Variants in MACROH2A1 observed in about 807,000 individuals in gnomAD.
MACROH2A1 encodes the protein macroH2A.1 histone.
A neutral mutation model predicts 31.6 loss-of-function variants in MACROH2A1; 2 were observed. That is an observed-to-expected ratio of 0.06 (90% confidence interval 0.03 to 0.20). The LOEUF is 0.20. Ranked by LOEUF, MACROH2A1 falls within the 10% of genes least tolerant of loss-of-function variation. MACROH2A1 has a pLI of 1.00. For missense variants in MACROH2A1, 230 were observed against 474.0 expected (o/e 0.49, Z 4.78); for synonymous variants, 169 against 189.6 (o/e 0.89, Z 0.89).
chr5:135,358,795 A>G, intron 5 of MACROH2A1: 1 of 984,410 alleles, frequency 1.0e-6, no homozygotes, highest in Non-Finnish European at 1.2e-6. Flanking sequence ...AGTCATTATT[A>G]GCCAAAATTT....
rs114821702 is a variant in MACROH2A1, at chr5:135,359,209, T to A, written c.588+1288A>T. The stretch of plus-strand genomic sequence containing the variant: ...AGGGTGGGAGTGCCTAAGGGCAGAG[T>A]GGGGAAAAGAGGGAGAAGGTGACCC... On this transcript the variant is annotated intron_variant, in intron 5 of 8. Coordinates refer to ENST00000511689, the MANE Select transcript of MACROH2A1 (RefSeq NM_138610.3). 652 of 984,476 alleles carry A rather than the reference T, an allele frequency of 6.6e-4. 3 individuals carry two copies. The African/African-American group carries it at 9.4e-3, about 14-fold the overall frequency. The allele number at this position is 984,476 out of a possible 1,614,324, so 61.0% of individuals were successfully genotyped here.
intron 8 of MACROH2A1, among the ~76,000 whole-genome samples, chr5:135,340,615 C>A (rs1256834368): frequency 2.0e-5 from 3 of 152,224 alleles, no homozygotes; most frequent in African/African-American, 7.2e-5. Context: ...GGTCATCTTC[C>A]ATCCATGTAG....
intron 5 of MACROH2A1, 101 bp downstream of exon 5, chr5:135,360,396 G>T: frequency 1.3e-6 from 1 of 785,834 alleles, no homozygotes; most frequent in East Asian, 2.5e-5. Context: ...CCACGAGGCT[G>T]GGAGTGGCCC....
intron 7 of MACROH2A1, chr5:135,345,680 T>A: frequency 2.8e-6 from 1 of 360,672 alleles, no homozygotes; most frequent in South Asian, 4.3e-5. Flanking sequence ...CACTCTCAGC[T>A]CTTAGATGTA....
intron 1 of MACROH2A1, among the ~76,000 whole-genome samples, chr5:135,396,653 G>A (rs779525877): frequency 2.6e-5 from 4 of 151,992 alleles, no homozygotes; most frequent in Middle Eastern, 3.2e-3. Flanking sequence ...CTAGGTTACT[G>A]TACCTGCTGG....
At chr5:135,342,485 G>A (rs529315990) in intron 8 of MACROH2A1, among the ~76,000 whole-genome samples, 51 of 152,334 alleles carry the variant, frequency 3.3e-4, no homozygotes, top group African/African-American at 1.1e-3. Context: ...TGTACAACCA[G>A]GTAGGTATTG....
chr5:135,340,169 C>T (rs1168979372), intron 8 of MACROH2A1, among the ~76,000 whole-genome samples: 7 of 152,080 alleles, frequency 4.6e-5, no homozygotes, highest in South Asian at 2.1e-4. Context: ...AGCTCTGAAG[C>T]GAAGGGCTTC....
rs1254795050 is a variant in MACROH2A1, at chr5:135,359,208, G to C, written c.588+1289C>G. ...CAGGGTGGGAGTGCCTAAGGGCAGAGTGGGGAAAAGAGGGAGAAGGTGACC... is the reference window on the plus strand; with the variant it reads ...CAGGGTGGGAGTGCCTAAGGGCAGACTGGGGAAAAGAGGGAGAAGGTGACC... On this transcript the variant is annotated intron_variant, in intron 5 of 8. Coordinates refer to ENST00000511689, the MANE Select transcript of MACROH2A1 (RefSeq NM_138610.3). 5 of 985,348 alleles carry C rather than the reference G, an allele frequency of 5.1e-6. No individual in the cohort carries two copies. The African/African-American group carries it at 8.7e-5, about 17-fold the overall frequency. 61.0% of individuals were successfully genotyped at this position (985,348 alleles called of 1,614,324 possible). A position where few individuals can be genotyped will look rare whatever the true frequency, so the allele number is the denominator to read the frequency against.
At chr5:135,384,543 G>T (rs1029052810) in intron 2 of MACROH2A1, among the ~76,000 whole-genome samples, 6 of 152,172 alleles carry the variant, frequency 3.9e-5, no homozygotes, top group Non-Finnish European at 7.3e-5. Flanking sequence ...ACAAGGATTG[G>T]CCAAGTACCA....
chr5:135,340,522 T>C (rs1257859322), intron 8 of MACROH2A1, among the ~76,000 whole-genome samples: 1 of 152,124 alleles, frequency 6.6e-6, no homozygotes, highest in Non-Finnish European at 1.5e-5. Flanking sequence ...TCCATAAATA[T>C]CGTGACCAGA....
intron 8 of MACROH2A1, chr5:135,337,969 G>A: frequency 8.2e-7 from 1 of 1,215,630 alleles, no homozygotes; most frequent in South Asian, 1.5e-5. Context: ...CTATGGGACT[G>A]TGGCTGCTCT....
At chr5:135,343,074 T>G (rs1031221893) in intron 8 of MACROH2A1, 186 bp downstream of exon 8, 2 of 1,391,104 alleles carry the variant, frequency 1.4e-6, no homozygotes, top group Non-Finnish European at 1.9e-6. Flanking sequence ...TCCTTGGGAT[T>G]TGGGTCTCTC....
At chr5:135,363,916 G>C (rs983671453) in intron 4 of MACROH2A1, among the ~76,000 whole-genome samples, 3 of 152,208 alleles carry the variant, frequency 2.0e-5, no homozygotes, top group African/African-American at 7.2e-5. Flanking sequence ...GCATTTCTCT[G>C]ATGACCAGTG....
At chr5:135,389,207 A>C in intron 1 of MACROH2A1, 81 bp from the exon 2 acceptor site, 1 of 1,107,718 alleles carries the variant, frequency 9.0e-7, no homozygotes, top group Non-Finnish European at 1.3e-6. Flanking sequence ...AGTCCCCTGG[A>C]AGGCCCCAGG....
intron 6 of MACROH2A1, among the ~76,000 whole-genome samples, chr5:135,348,820 C>T (rs1217197157): frequency 2.0e-5 from 3 of 152,198 alleles, no homozygotes; most frequent in African/African-American, 7.2e-5. Flanking sequence ...GCAGGTGTTA[C>T]AGTGTCGGTG....
intron 1 of MACROH2A1, among the ~76,000 whole-genome samples, chr5:135,392,445 T>C (rs957511137): frequency 3.3e-5 from 5 of 152,190 alleles, no homozygotes; most frequent in African/African-American, 1.2e-4. Context: ...GATTCTGTAC[T>C]TTATCCCTCC....
chr5:135,350,394 G>A (rs1761375103), intron 6 of MACROH2A1, among the ~76,000 whole-genome samples: 1 of 152,086 alleles, frequency 6.6e-6, no homozygotes, highest in African/African-American at 2.4e-5. Flanking sequence ...ACAGATTGGC[G>A]GGGGTCAGGG....
chr5:135,336,622 G>A (rs1758738883), intron 8 of MACROH2A1, among the ~76,000 whole-genome samples: 1 of 146,272 alleles, frequency 6.8e-6, no homozygotes, highest in South Asian at 2.1e-4. Context: ...TTCCTCCCGG[G>A]AGACCCTGGT....
intron 2 of MACROH2A1, among the ~76,000 whole-genome samples, chr5:135,375,643 G>C (rs1351526947): frequency 1.3e-5 from 2 of 152,130 alleles, no homozygotes; most frequent in African/African-American, 2.4e-5. Flanking sequence ...AAAGAGTCAG[G>C]GGCTTTAACG....
Sources: gnomAD v4.1 joint callset for allele counts (sites outside exome capture counted in the v4.1 genomes callset) on GRCh38, gnomAD v4.1.1 for gene constraint, MANE v1.5 for transcripts, NCBI Gene and HGNC (gene_info 2026-07-23, HGNC 2026-07-21) for gene names.